CACNB4: variants seen among roughly 807,000 people sequenced by gnomAD.
The protein encoded by CACNB4 is calcium voltage-gated channel auxiliary subunit beta 4, also known as voltage-dependent L-type calcium channel subunit beta-4.
In CACNB4, 32 loss-of-function variants were observed where a neutral mutation model predicts 71.2. That is an observed-to-expected ratio of 0.45 (90% CI 0.34 to 0.60). The LOEUF (loss-of-function observed/expected upper bound fraction) is 0.60. CACNB4 is among the 20% of genes least tolerant of loss of function. The probability of loss-of-function intolerance (pLI) is 0.01; values close to 1 mark genes in which losing one functional copy is unlikely to be tolerated. For synonymous variants in CACNB4, 231 were observed against 236.9 expected, an observed-to-expected ratio of 0.97 and a Z score of 0.23; for missense variants, 464 against 647.9, an observed-to-expected ratio of 0.72 and a Z score of 3.08.
At chr2:152,090,465 C>A (rs1457357142) in intron 2 of CACNB4, among the ~76,000 whole-genome samples, 1 of 152,056 alleles carries the variant, frequency 6.6e-6, no homozygotes, top group East Asian at 1.9e-4. Context: ...ACCAGCCTGA[C>A]CAACATGGTC....
chr2:151,997,192 T>G (rs903594644), intron 2 of CACNB4, among the ~76,000 whole-genome samples: 2 of 152,210 alleles, frequency 1.3e-5, no homozygotes, highest in Admixed American at 1.3e-4. Flanking sequence ...AATGAGATCA[T>G]CCTGGATTAC....
Position 151,834,824 on chromosome 2 carries a change from A to G in CACNB4, c.*4295T>C, listed in dbSNP as rs747256436. ...CAGTATTTAAAGGTATGAGAAACTA[A>G]TAAAACAGATTTTATTACATAATTT... On this transcript the variant is annotated 3_prime_UTR_variant, in exon 14 of 14. Coordinates refer to ENST00000539935, the MANE Select transcript of CACNB4 (RefSeq NM_000726.5). 1.3e-5 allele frequency: 2 copies of G among 151,966 alleles called. No homozygotes were observed. The highest frequency in any genetic ancestry group is 2.9e-5 in the Non-Finnish European group (2 of 67,806). The allele number at this position is 151,966 out of a possible 1,614,324, so 9.4% of individuals were successfully genotyped here. A position where few individuals can be genotyped will look rare whatever the true frequency, so the allele number is the denominator to read the frequency against.
intron 2 of CACNB4, among the ~76,000 whole-genome samples, chr2:152,052,349 G>A (rs1210104982): frequency 6.6e-6 from 1 of 152,182 alleles, no homozygotes; most frequent in African/African-American, 2.4e-5. Flanking sequence ...CGCCTAGGCT[G>A]GAGTACAGTG....
chr2:152,034,171 A>G (rs536895364), intron 2 of CACNB4, among the ~76,000 whole-genome samples: 16 of 152,344 alleles, frequency 1.1e-4, no homozygotes, highest in African/African-American at 1.4e-4. Context: ...GTCTCCCAAC[A>G]GGTCTATTAA....
At chr2:152,074,534 A>G (rs1326966734) in intron 2 of CACNB4, among the ~76,000 whole-genome samples, 2 of 148,864 alleles carry the variant, frequency 1.3e-5, no homozygotes, top group Non-Finnish European at 3.0e-5. Context: ...CACCATCACC[A>G]CCAGCAGCAC....
At chr2:151,961,462 T>C (rs1363782138) in intron 2 of CACNB4, among the ~76,000 whole-genome samples, 6 of 152,204 alleles carry the variant, frequency 3.9e-5, no homozygotes, top group African/African-American at 1.2e-4. Context: ...AAAGCAACAG[T>C]ACAGGAATTA....
intron 13 of CACNB4, among the ~76,000 whole-genome samples, chr2:151,841,355 T>C (rs939484658): frequency 6.6e-6 from 1 of 152,274 alleles, no homozygotes; most frequent in African/African-American, 2.4e-5. Flanking sequence ...GGAAGATTGC[T>C]TGAAGCCAGG....
chr2:151,985,813 T>G (rs898364295), intron 2 of CACNB4, among the ~76,000 whole-genome samples: 38 of 152,162 alleles, frequency 2.5e-4, no homozygotes, highest in African/African-American at 8.9e-4. Flanking sequence ...TGTTCATGTC[T>G]CTAATCTCTT....
chr2:151,971,139 G>T, intron 2 of CACNB4: 1 of 217,298 alleles, frequency 4.6e-6, no homozygotes, highest in Non-Finnish European at 9.3e-6. Context: ...TCTACTTTTG[G>T]ACCAAACTCT....
chr2:152,050,128 G>T (rs1239969379), intron 2 of CACNB4, among the ~76,000 whole-genome samples: 2 of 152,210 alleles, frequency 1.3e-5, no homozygotes, highest in African/African-American at 4.8e-5. Context: ...TATCACAGCT[G>T]CCCTGGACAG....
intron 2 of CACNB4, among the ~76,000 whole-genome samples, chr2:151,927,790 C>T (rs2151592295): frequency 6.6e-6 from 1 of 152,334 alleles, no homozygotes; most frequent in South Asian, 2.1e-4. Flanking sequence ...TGCAACAGAA[C>T]AGCAAGACTG....
At chr2:152,037,433 G>GA (rs1170482943) in intron 2 of CACNB4, among the ~76,000 whole-genome samples, 1 of 152,164 alleles carries the variant, frequency 6.6e-6, no homozygotes, top group Non-Finnish European at 1.5e-5. Flanking sequence ...TATGTCTGTG[G>GA]ACATTACAGA....
intron 2 of CACNB4, among the ~76,000 whole-genome samples, chr2:152,071,171 C>T (rs1243591799): frequency 6.6e-6 from 1 of 152,228 alleles, no homozygotes; most frequent in African/African-American, 2.4e-5. Flanking sequence ...GTTGTTCACA[C>T]TGAAATTTCT....
chr2:151,976,005 C>T lies in CACNB4; in HGVS notation c.148-92635G>A, dbSNP rs140628892. Among the ~76,000 whole-genome samples, 46 of 152,314 alleles carry T rather than the reference C, an allele frequency of 3.0e-4. 1 individual carries two copies. In the East Asian group the frequency reaches 7.7e-3, roughly 26 times the overall value. On this transcript the variant is annotated intron_variant, in intron 2 of 13. Coordinates refer to ENST00000539935, the MANE Select transcript of CACNB4 (RefSeq NM_000726.5). ...TCTTCTGTGGATGGCTGCCGTGGAG[C>T]GCTCCCTATAGCCAATGTGAGGGCC...
At chr2:151,880,667 G>T in intron 4 of CACNB4, 133 bp downstream of exon 4, 1 of 844,194 alleles carries the variant, frequency 1.2e-6, no homozygotes, top group Non-Finnish European at 1.9e-6. Context: ...ACTAGATTTG[G>T]GAGGCTCAGC....
At chr2:151,900,640 T>C (rs2099853137) in intron 2 of CACNB4, among the ~76,000 whole-genome samples, 1 of 152,138 alleles carries the variant, frequency 6.6e-6, no homozygotes, top group Non-Finnish European at 1.5e-5. Flanking sequence ...TGTGAGTAGA[T>C]GGCTGATGCT....
At chr2:151,891,128 T>C (rs2099850628) in intron 2 of CACNB4, among the ~76,000 whole-genome samples, 1 of 152,196 alleles carries the variant, frequency 6.6e-6, no homozygotes, top group Non-Finnish European at 1.5e-5. Flanking sequence ...TAACAGGAAG[T>C]AATATTAATT....
intron 2 of CACNB4, among the ~76,000 whole-genome samples, chr2:152,009,280 T>A (rs1489387845): frequency 6.6e-6 from 1 of 151,778 alleles, no homozygotes; most frequent in African/African-American, 2.4e-5. Context: ...CACAGAAAAC[T>A]GTCACAGTCA....
chr2:151,836,485 G>A lies in CACNB4; in HGVS notation c.*2634C>T, dbSNP rs1488463585. On this transcript the variant is annotated 3_prime_UTR_variant, in exon 14 of 14. Transcript: ENST00000539935. ...TAAGATGTATATCCCCTTATTTGAG[G>A]AAGATAAACTTATTACAGAAAGAAG... is the stretch of plus-strand genomic sequence containing the variant. 6.6e-6 allele frequency: 1 copy of A among 151,702 alleles called. No homozygotes were observed. Among genetic ancestry groups the A allele is most frequent in the Non-Finnish European group, 1.5e-5 (1 of 67,756 alleles). 9.4% of individuals were successfully genotyped at this position (151,702 alleles called of 1,614,324 possible). A position where few individuals can be genotyped will look rare whatever the true frequency, so the allele number is the denominator to read the frequency against.
Sources: allele counts gnomAD v4.1 joint callset (sites outside exome capture counted in the v4.1 genomes callset), GRCh38; gene constraint gnomAD v4.1.1; transcripts MANE v1.5; gene names NCBI Gene and HGNC (gene_info 2026-07-23, HGNC 2026-07-21).